The following POLQ variants were observed in gnomAD, a reference collection of about 807,000 sequenced individuals.
POLQ encodes the protein DNA polymerase theta, also known as epididymis secretory sperm binding protein.
POLQ carries 233 observed loss-of-function variants against 259.2 expected under a neutral mutation model. That is an observed-to-expected ratio of 0.90 (90% CI 0.81 to 1.00). The LOEUF is 1.00. POLQ is among the 50% of genes least tolerant of loss of function. The probability of loss-of-function intolerance (pLI) is 0.00; values close to 1 mark genes in which losing one functional copy is unlikely to be tolerated. For missense variants in POLQ, 2,871 were observed against 3,051.6 expected (o/e 0.94, Z 1.39); for synonymous variants, 1,025 against 1,048.8 (o/e 0.98, Z 0.44).
chr3:121,526,890 T>TGCGC (rs1553822342), intron 7 of POLQ, among the ~76,000 whole-genome samples: 1 of 151,346 alleles, frequency 6.6e-6, no homozygotes, highest in African/African-American at 2.4e-5. Flanking sequence ...TGTGTGTGTG[T>TGCGC]GCGCGCGCGC....
intron 9 of POLQ, among the ~76,000 whole-genome samples, chr3:121,518,749 T>G (rs1228387173): frequency 8.6e-6 from 1 of 116,140 alleles, no homozygotes; most frequent in Non-Finnish European, 1.8e-5. Context: ...CAGAACTGTT[T>G]GCCTGTTTTG....
chr3:121,498,333 T>C, intron 13 of POLQ, 144 bp downstream of exon 13: 1 of 510,406 alleles, frequency 2.0e-6, no homozygotes, highest in Non-Finnish European at 3.3e-6. Context: ...AAAAAGAAAA[T>C]GAAAAAAAAG....
chr3:121,473,314 G>A, intron 21 of POLQ, 36 bp downstream of exon 21: 1 of 1,549,734 alleles, frequency 6.5e-7, no homozygotes, highest in Non-Finnish European at 8.7e-7. Flanking sequence ...AAGTAGTTTA[G>A]GTTCTGCCCT....
intron 27 of POLQ, 130 bp from the exon 28 acceptor site, chr3:121,436,405 C>T: frequency 1.3e-6 from 1 of 752,212 alleles, no homozygotes; most frequent in Non-Finnish European, 2.2e-6. Flanking sequence ...CAACCCAGAA[C>T]ACCAACTATT....
intron 7 of POLQ, 29 bp downstream of exon 7, chr3:121,529,616 G>A: frequency 6.2e-7 from 1 of 1,604,520 alleles, no homozygotes; most frequent in Non-Finnish European, 8.5e-7. Flanking sequence ...TACTAAGCAT[G>A]AAGGCTTTCC....
intron 12 of POLQ, among the ~76,000 whole-genome samples, chr3:121,501,619 G>A (rs1429336597): frequency 6.1e-5 from 7 of 113,958 alleles, no homozygotes; most frequent in Admixed American, 1.3e-4. Context: ...CCGAGATCCC[G>A]CCACTGCACT....
intron 26 of POLQ, among the ~76,000 whole-genome samples, chr3:121,448,290 T>G (rs2047646606): frequency 6.6e-6 from 1 of 152,132 alleles, no homozygotes; most frequent in African/African-American, 2.4e-5. Flanking sequence ...TCTGCTATAT[T>G]AAGAGACTCT....
chr3:121,496,130 A>G (rs536609715), intron 14 of POLQ, among the ~76,000 whole-genome samples: 2 of 150,682 alleles, frequency 1.3e-5, no homozygotes, highest in Admixed American at 6.6e-5. Flanking sequence ...GAGTTCAGAA[A>G]TCCCTCTCCA....
At chr3:121,500,242 G>A (rs1328256324) in intron 12 of POLQ, among the ~76,000 whole-genome samples, 5 of 143,298 alleles carry the variant, frequency 3.5e-5, no homozygotes, top group African/African-American at 1.3e-4. Context: ...TTGTGCCACT[G>A]TACTCTTGTT....
chr3:121,493,852 T>C, intron 14 of POLQ, 131 bp from the exon 15 acceptor site: 1 of 767,018 alleles, frequency 1.3e-6, no homozygotes, highest in Non-Finnish European at 2.1e-6. Flanking sequence ...GCCCAAGGTG[T>C]AAGTTAACAA....
intron 15 of POLQ, among the ~76,000 whole-genome samples, chr3:121,491,692 G>A (rs554854649): frequency 4.1e-4 from 63 of 152,252 alleles, no homozygotes; most frequent in African/African-American, 1.2e-3. Context: ...GGAACAACTC[G>A]TAATTCTTCA....
At chr3:121,459,387 T>TTTG (rs922112263) in intron 25 of POLQ, among the ~76,000 whole-genome samples, 1 of 145,482 alleles carries the variant, frequency 6.9e-6, no homozygotes, top group East Asian at 2.0e-4. Context: ...TTTTTTTTTT[T>TTTG]TTTTTGTTTT....
intron 27 of POLQ, among the ~76,000 whole-genome samples, chr3:121,436,909 T>G (rs192457975): frequency 6.6e-6 from 1 of 151,990 alleles, no homozygotes; most frequent in African/African-American, 2.4e-5. Context: ...CCTACTAAAA[T>G]TAATCATCTT....
rs369504425 is a variant in POLQ, at chr3:121,476,733, T to A, written c.6212A>T (p.Asp2071Val). 1 of 1,596,450 alleles carries A rather than the reference T, an allele frequency of 6.3e-7. No individual in the cohort carries two copies. The highest frequency in any genetic ancestry group is 1.4e-5 in the African/African-American group (1 of 73,860). The change falls in exon 20 of 30, where the codon GAT (aspartate) becomes GTT (valine). Residue 2071 changes from aspartate (D) to valine (V), a missense_variant and splice_region_variant. Asp to Val is a radical substitution (Grantham distance 152, BLOSUM62 -3). Around this residue, in one of 3 missense-constraint regions of POLQ, gnomAD observed 2,080 missense variants for 2,126.0 expected, o/e 0.98. Coordinates refer to ENST00000264233, the MANE Select transcript of POLQ (RefSeq NM_199420.4). ...NSLLQKENLQ[D>V]VFRKVEMPSQ... ...GGGCATTTCCACCTTACGGAAAACATCTGGAAGAAAAAAGAAAATTAAAAC... is the reference window on the plus strand; with the variant it reads ...GGGCATTTCCACCTTACGGAAAACAACTGGAAGAAAAAAGAAAATTAAAAC...
At chr3:121,538,843 C>T (rs1001966936) in intron 4 of POLQ, among the ~76,000 whole-genome samples, 7 of 152,142 alleles carry the variant, frequency 4.6e-5, no homozygotes, top group Non-Finnish European at 8.8e-5. Flanking sequence ...AGTTCACCAG[C>T]TTCTCAATAA....
intron 7 of POLQ, among the ~76,000 whole-genome samples, chr3:121,526,881 G>GTGTT (rs1200245451): frequency 2.0e-5 from 3 of 148,336 alleles, no homozygotes; most frequent in Non-Finnish European, 3.0e-5. Flanking sequence ...CTGTATGTGT[G>GTGTT]TGTGTGTGTG....
intron 22 of POLQ, among the ~76,000 whole-genome samples, chr3:121,469,386 T>C (rs2047865609): frequency 6.6e-6 from 1 of 152,194 alleles, no homozygotes; most frequent in Non-Finnish European, 1.5e-5. Flanking sequence ...ACACTCTTCA[T>C]TGTAACAGGC....
chr3:121,485,011 T>A, intron 17 of POLQ, 30 bp downstream of exon 17: 1 of 1,537,306 alleles, frequency 6.5e-7, no homozygotes, highest in Non-Finnish European at 8.9e-7. Context: ...AGTAATTACA[T>A]AGTGACTTAG....
intron 19 of POLQ, among the ~76,000 whole-genome samples, chr3:121,480,120 T>C (rs2047958941): frequency 6.6e-6 from 1 of 151,580 alleles, no homozygotes; most frequent in African/African-American, 2.4e-5. Flanking sequence ...CTTAAAAATA[T>C]ATAGGTTGGG....
Sources: gnomAD v4.1 joint callset for allele counts (sites outside exome capture counted in the v4.1 genomes callset) on GRCh38, gnomAD v4.1.1 for gene constraint, gnomAD v4.1.1 regional missense constraint, MANE v1.5 for transcripts, NCBI Gene and HGNC (gene_info 2026-07-23, HGNC 2026-07-21) for gene names.